The following ANKRD36C variants were observed in gnomAD, a reference collection of about 807,000 sequenced individuals.
The protein encoded by ANKRD36C is ankyrin repeat domain-containing protein 36C.
In ANKRD36C, 61 loss-of-function variants were observed where a neutral mutation model predicts 276.4. The ratio of observed to expected loss-of-function variants is 0.22; its 90% confidence interval spans 0.18 to 0.27. The LOEUF is 0.27. Ranked by LOEUF, ANKRD36C falls within the 10% of genes least tolerant of loss-of-function variation. ANKRD36C has a pLI of 1.00. For synonymous variants in ANKRD36C, 483 were observed against 680.1 expected, an observed-to-expected ratio of 0.71 and a Z score of 4.51; for missense variants, 1,447 against 2,032.3, an observed-to-expected ratio of 0.71 and a Z score of 5.54.
downstream of ANKRD36C, among the ~76,000 whole-genome samples, chr2:95,849,595 A>T (rs980875102): frequency 6.6e-6 from 1 of 152,242 alleles, no homozygotes; most frequent in Non-Finnish European, 1.5e-5. Flanking sequence ...ATTGTAATAC[A>T]TAATGAAATA....
At chr2:95,925,032 T>C (rs933283665) in intron 30 of ANKRD36C, among the ~76,000 whole-genome samples, 6 of 151,646 alleles carry the variant, frequency 4.0e-5, no homozygotes, top group African/African-American at 1.5e-4. Flanking sequence ...CTTCTTCTCT[T>C]TCTCCTTCCC....
At chr2:95,879,215 A>G (rs766293651) in intron 58 of ANKRD36C, among the ~76,000 whole-genome samples, 3 of 152,230 alleles carry the variant, frequency 2.0e-5, no homozygotes, top group Non-Finnish European at 4.4e-5. Flanking sequence ...AAGGCTTCAC[A>G]TGTTGTCAGT....
At chr2:95,849,880 C>G (rs1380243478), downstream of ANKRD36C, among the ~76,000 whole-genome samples, 1 of 152,226 alleles carries the variant, frequency 6.6e-6, no homozygotes, top group Non-Finnish European at 1.5e-5. Flanking sequence ...TGAAGCTTCA[C>G]TCGCTTGCCT....
At chr2:95,951,193 A>G (rs1374682122) in intron 15 of ANKRD36C, among the ~76,000 whole-genome samples, 155 bp downstream of exon 15, 47 of 148,906 alleles carry the variant, frequency 3.2e-4, no homozygotes, top group Non-Finnish European at 4.3e-4. Context: ...GAATCACTTG[A>G]ACCCAGGAGA....
chr2:95,910,706 G>C (rs1006375560), intron 42 of ANKRD36C, 138 bp from the exon 45 acceptor site: 104 of 1,493,274 alleles, frequency 7.0e-5, no homozygotes, highest in Non-Finnish European at 8.7e-5. Flanking sequence ...TTTGTGTCTG[G>C]GGACTAGAAC....
In ANKRD36C at chr2:95,916,102, A is replaced by T. The variant is rs753762099; in HGVS notation, c.2376+41T>A. 31 of 1,604,644 alleles carry T rather than the reference A, an allele frequency of 1.9e-5. No individual in the cohort carries two copies. The African/African-American group carries it at 2.1e-4, about 11-fold the overall frequency. ...ATAAATAAGGTATGTTTCATAGGCT[A>T]TACGTTTACTAGCTCACAATATAAA... On this transcript the variant is annotated intron_variant, in intron 37 of 66. Transcript: ENST00000456556.
intron 54 of ANKRD36C, among the ~76,000 whole-genome samples, chr2:95,883,362 G>C (rs1676129787): frequency 6.6e-6 from 1 of 152,064 alleles, no homozygotes. Context: ...AGTCTGGTTT[G>C]AAGTATCATG....
intron 6 of ANKRD36C, among the ~76,000 whole-genome samples, chr2:95,965,816 G>A (rs1283008510): frequency 1.3e-5 from 2 of 152,082 alleles, no homozygotes; most frequent in African/African-American, 4.8e-5. Flanking sequence ...CAAAGACCAA[G>A]TTGCAGTCAT....
At chr2:95,914,056 AT>A in intron 40 of ANKRD36C, 51 bp downstream of exon 42, 2 of 1,493,950 alleles carry the variant, frequency 1.3e-6, no homozygotes, top group South Asian at 2.4e-5. Flanking sequence ...AGGGAAGAGA[AT>A]TTCTTATCTA....
chr2:95,980,245 G>T (rs1388991843), intron 5 of ANKRD36C, among the ~76,000 whole-genome samples: 1 of 152,056 alleles, frequency 6.6e-6, no homozygotes, highest in African/African-American at 2.4e-5. Flanking sequence ...CCATGATCAG[G>T]CTATAGTAGA....
chr2:95,945,734 T>C (rs77160173), intron 17 of ANKRD36C, among the ~76,000 whole-genome samples: 3 of 151,788 alleles, frequency 2.0e-5, no homozygotes, highest in African/African-American at 2.4e-5. Context: ...ATCCACCTTA[T>C]GGAGCAATGA....
chr2:95,859,422 G>A (rs1490365348), intron 61 of ANKRD36C, among the ~76,000 whole-genome samples: 1 of 151,974 alleles, frequency 6.6e-6, no homozygotes, highest in Non-Finnish European at 1.5e-5. Context: ...ACATTCTTAA[G>A]AACAATTTAG....
intron 3 of ANKRD36C, among the ~76,000 whole-genome samples, chr2:95,985,597 G>A (rs1241326280): frequency 6.6e-6 from 1 of 152,106 alleles, no homozygotes; most frequent in African/African-American, 2.4e-5. Context: ...AAAATCTTCA[G>A]GGGATATCCT....
intron 44 of ANKRD36C, among the ~76,000 whole-genome samples, 183 bp from the exon 63 acceptor site, chr2:95,893,907 C>G (rs550968239): frequency 1.3e-5 from 2 of 151,536 alleles, no homozygotes; most frequent in African/African-American, 4.8e-5. Context: ...GGAATACAGG[C>G]TCCATGAAAT....
chr2:95,931,008 C>G (rs533650553), intron 24 of ANKRD36C, among the ~76,000 whole-genome samples: 1 of 151,762 alleles, frequency 6.6e-6, no homozygotes, highest in African/African-American at 2.4e-5. Flanking sequence ...TCACTAGCTG[C>G]TTTCTTTGTT....
At position 95,955,639 on chromosome 2, in the gene ANKRD36C, T is replaced by C. The variant is rs373528925; in HGVS notation, c.1136+1147A>G. Among the ~76,000 whole-genome samples the C allele has an allele frequency of 4.4e-3, 673 of 151,910 alleles. 4 individuals carry two copies. The highest frequency in any genetic ancestry group is 6.6e-3 in the Non-Finnish European group (446 of 67,910). On this transcript the variant is annotated intron_variant, in intron 13 of 66. Transcript: ENST00000456556. ...CCACTGTGTTCACTAGAGCCACTCC[T>C]TCTTTCTAAAACTAAAATCACTCAA...
intron 10 of ANKRD36C, among the ~76,000 whole-genome samples, chr2:95,959,385 A>G (rs200495566): frequency 1.4e-5 from 2 of 141,774 alleles, no homozygotes; most frequent in Non-Finnish European, 3.1e-5. Context: ...TGGAGTCATA[A>G]TGTGCCTACA....
intron 58 of ANKRD36C, among the ~76,000 whole-genome samples, chr2:95,879,559 CCATAAA>C (rs1206895544): frequency 5.9e-5 from 9 of 151,814 alleles, no homozygotes; most frequent in African/African-American, 9.7e-5. Flanking sequence ...CTCATCTACT[CCATAAA>C]CATAAACACC....
rs188982772 is a variant in ANKRD36C, at chr2:95,911,051, A to T, written c.2653+1193T>A. On this transcript the variant is annotated intron_variant, in intron 42 of 66. Coordinates refer to ENST00000456556, the Ensembl canonical transcript of ANKRD36C. ...CACAATTGCGACGATACTTCAGTTG[A>T]ACTTACACTTCACATCTCTTCAGTG... is the stretch of plus-strand genomic sequence containing the variant. Among the ~76,000 whole-genome samples the T allele has an allele frequency of 2.0e-5, 3 of 151,518 alleles. No homozygotes were observed. The East Asian group carries it at 5.9e-4, about 30-fold the overall frequency.
Sources: allele counts gnomAD v4.1 joint callset (sites outside exome capture counted in the v4.1 genomes callset), GRCh38; gene constraint gnomAD v4.1.1; transcripts MANE v1.5; gene names NCBI Gene and HGNC (gene_info 2026-07-23, HGNC 2026-07-21).